MBD1: variants seen among roughly 807,000 people sequenced by gnomAD.
The protein encoded by MBD1 is methyl-CpG-binding domain protein 1.
A neutral mutation model predicts 82.6 loss-of-function variants in MBD1; 25 were observed. The observed-to-expected ratio is 0.30, with a 90% CI of 0.22 to 0.42. The LOEUF (loss-of-function observed/expected upper bound fraction) is 0.42, where lower values mean the gene tolerates loss of function less well. MBD1 is among the 10% of genes least tolerant of loss of function. The pLI is 1.00. For missense variants in MBD1, 627 were observed against 819.6 expected (o/e 0.76, Z 2.87); for synonymous variants, 301 against 303.7 (o/e 0.99, Z 0.09).
chr18:50,267,361 A>T (rs1365351173), downstream of MBD1: 8 of 511,068 alleles, frequency 1.6e-5, no homozygotes, highest in South Asian at 1.5e-4. Flanking sequence ...ATAATTTTTT[A>T]AAACCTGTTA....
intron 13 of MBD1, 37 bp downstream of exon 13, chr18:50,273,297 G>A (rs369018173): frequency 1.8e-5 from 29 of 1,612,324 alleles, no homozygotes; most frequent in Middle Eastern, 1.7e-4. Context: ...AGACCACTCC[G>A]CTACGGCACC....
chr18:50,281,605 C>G (rs898196800), upstream of MBD1: 1 of 468,934 alleles, frequency 2.1e-6, no homozygotes, highest in African/African-American at 2.0e-5. Context: ...GTCGCGTGCC[C>G]TTAATAGGGA....
chr18:50,272,802 G>T (rs201845429), intron 14 of MBD1, 22 bp downstream of exon 14: 81 of 1,614,144 alleles, frequency 5.0e-5, no homozygotes, highest in Non-Finnish European at 6.6e-5. Flanking sequence ...TCAGGGCAGG[G>T]TGGGGCATCC....
chr18:50,270,886 G>T, intron 16 of MBD1: 1 of 273,398 alleles, frequency 3.7e-6, no homozygotes, highest in Non-Finnish European at 5.7e-6. Context: ...TTAAAAGCTG[G>T]GTTTGAGTCT....
rs1429367218 is a variant in MBD1, at chr18:50,269,097, A to G, written c.*754T>C. On this transcript the variant is annotated 3_prime_UTR_variant, in exon 17 of 17. Coordinates refer to ENST00000269468, the MANE Select transcript of MBD1 (RefSeq NM_015846.4). ...CGTATCTTTTGCATTTCTGTATCCT[A>G]GTATTAAGTACAGTGCCTACCACAG... The G allele has an allele frequency of 3.4e-5, 34 of 990,336 alleles. No homozygotes were observed. The highest frequency in any genetic ancestry group is 3.5e-5 in the African/African-American group (2 of 57,252). 61.3% of individuals were successfully genotyped at this position (990,336 alleles called of 1,614,324 possible). A position where few individuals can be genotyped will look rare whatever the true frequency, so the allele number is the denominator to read the frequency against.
chr18:50,277,233 C>T lies in MBD1; in HGVS notation c.111-29G>A, dbSNP rs751172034. 49 of 1,535,532 alleles carry T rather than the reference C, an allele frequency of 3.2e-5. 1 individual carries two copies. In the South Asian group the frequency reaches 3.5e-4, roughly 11 times the overall value. On this transcript the variant is annotated intron_variant, in intron 2 of 16. Coordinates refer to ENST00000269468, the MANE Select transcript of MBD1 (RefSeq NM_015846.4). ...GGGATGGGCCATGATGGGTTAGCAC[C>T]CAGGTGGAGCCAATGCCATTTCACT...
chr18:50,279,634 A>G, intron 2 of MBD1: 1 of 477,462 alleles, frequency 2.1e-6, no homozygotes, highest in South Asian at 2.3e-5. Context: ...CTAGAAATAC[A>G]TGCATTGAGT....
intron 11 of MBD1, 134 bp downstream of exon 11, chr18:50,274,052 A>G (rs933242465): frequency 6.4e-6 from 9 of 1,398,702 alleles, no homozygotes; most frequent in Non-Finnish European, 9.0e-6. Context: ...CATTAAGCCA[A>G]GAACAATGTC....
At chr18:50,272,308 A>AATT (rs2035910122) in intron 15 of MBD1, among the ~76,000 whole-genome samples, 1 of 152,192 alleles carries the variant, frequency 6.6e-6, no homozygotes, top group Admixed American at 6.5e-5. Flanking sequence ...GGAGACTCTA[A>AATT]AGGCCTTCAA....
chr18:50,277,748 T>G (rs978588215), intron 2 of MBD1, among the ~76,000 whole-genome samples: 1 of 152,144 alleles, frequency 6.6e-6, no homozygotes, highest in Non-Finnish European at 1.5e-5. Flanking sequence ...CAAGGATGTT[T>G]GTAAAGCAAA....
chr18:50,272,510 C>T (rs2146082015), intron 15 of MBD1, 167 bp downstream of exon 15: 1 of 777,480 alleles, frequency 1.3e-6, no homozygotes, highest in African/African-American at 1.7e-5. Flanking sequence ...CAGGAGAAAT[C>T]TCTAGGGTCC....
chr18:50,276,310 G>C lies in MBD1; in HGVS notation c.516+68C>G. On this transcript the variant is annotated intron_variant, in intron 6 of 16. Coordinates refer to ENST00000269468, the MANE Select transcript of MBD1 (RefSeq NM_015846.4). ...CTGTGGACCCATCATCATCCCTTCAGACTCTACCAGCTCCATCACATCCTG... is the reference window on the plus strand; with the variant it reads ...CTGTGGACCCATCATCATCCCTTCACACTCTACCAGCTCCATCACATCCTG... The C allele has an allele frequency of 5.3e-6, 8 of 1,512,434 alleles. No individual in the cohort carries two copies. In the South Asian group the frequency reaches 9.2e-5, roughly 17 times the overall value. 93.7% of individuals were successfully genotyped at this position (1,512,434 alleles called of 1,614,324 possible). A position where few individuals can be genotyped will look rare whatever the true frequency, so the allele number is the denominator to read the frequency against.
chr18:50,276,450 G>C (rs2037938465), intron 5 of MBD1, 32 bp from the exon 6 acceptor site: 1 of 1,610,510 alleles, frequency 6.2e-7, no homozygotes, highest in Non-Finnish European at 8.5e-7. Flanking sequence ...AAGAAAAGTG[G>C]AAAGGAAGCA....
chr18:50,281,553 G>A, upstream of MBD1: 2 of 575,310 alleles, frequency 3.5e-6, no homozygotes, highest in Non-Finnish European at 6.2e-6. Context: ...CTGCCTCTCG[G>A]GCTCCGCCTC....
At chr18:50,266,964 G>C (rs983263350), downstream of MBD1, 2 of 159,706 alleles carry the variant, frequency 1.3e-5, no homozygotes, top group African/African-American at 4.8e-5. Flanking sequence ...TCTGAGACAA[G>C]GTCTCGCTCT....
chr18:50,276,006 T>TCA (rs1437497443), intron 6 of MBD1, 25 bp from the exon 7 acceptor site: 2 of 1,605,342 alleles, frequency 1.2e-6, no homozygotes, highest in Admixed American at 3.3e-5. Context: ...AGGGACGAGA[T>TCA]CACGGGCCTG....
chr18:50,269,386 G>T lies in MBD1; in HGVS notation c.*465C>A, dbSNP rs1225556018. On this transcript the variant is annotated 3_prime_UTR_variant, in exon 17 of 17. Coordinates refer to ENST00000269468, the MANE Select transcript of MBD1 (RefSeq NM_015846.4). Reference sequence around the variant, plus strand: ...TCCCGGAACTCTCTTCCAGTAAGATGGGCCACAAGAGACATTTTGCTTGAT... The same window carrying T: ...TCCCGGAACTCTCTTCCAGTAAGATTGGCCACAAGAGACATTTTGCTTGAT... 1.1e-4 allele frequency: 133 copies of T among 1,200,414 alleles called. No individual in the cohort carries two copies. Among genetic ancestry groups the T allele is most frequent in the Non-Finnish European group, 1.2e-4 (105 of 895,326 alleles). The allele number at this position is 1,200,414 out of a possible 1,614,324, so 74.4% of individuals were successfully genotyped here.
intron 15 of MBD1, chr18:50,272,466 G>C: frequency 1.6e-6 from 1 of 627,522 alleles, no homozygotes; most frequent in Non-Finnish European, 2.9e-6. Flanking sequence ...CCCCAAAGGA[G>C]AGTCCTAACC....
intron 6 of MBD1, 108 bp from the exon 7 acceptor site, chr18:50,276,089 A>T: frequency 1.5e-6 from 2 of 1,357,894 alleles, no homozygotes; most frequent in Non-Finnish European, 2.0e-6. Context: ...TTAGTCCCCC[A>T]TTAGCCTCAT....
Sources: gnomAD v4.1 joint callset for allele counts (sites outside exome capture counted in the v4.1 genomes callset) on GRCh38, gnomAD v4.1.1 for gene constraint, MANE v1.5 for transcripts, NCBI Gene and HGNC (gene_info 2026-07-23, HGNC 2026-07-21) for gene names.